The following SLC4A10 variants were observed in gnomAD, a reference collection of about 807,000 sequenced individuals.
SLC4A10 encodes the protein sodium-driven chloride bicarbonate exchanger.
SLC4A10 carries 42 observed loss-of-function variants against 137.7 expected under a neutral mutation model. The observed-to-expected ratio is 0.30, with a 90% confidence interval of 0.24 to 0.39. The LOEUF (loss-of-function observed/expected upper bound fraction) is 0.39, where lower values mean the gene tolerates loss of function less well. Ranked by LOEUF, SLC4A10 falls within the 10% of genes least tolerant of loss-of-function variation. The pLI, the probability that SLC4A10 is intolerant of heterozygous loss-of-function variation, is 1.00. For missense variants in SLC4A10, 925 were observed against 1,355.0 expected, an observed-to-expected ratio of 0.68 and a Z score of 4.98; for synonymous variants, 474 against 464.1, an observed-to-expected ratio of 1.02 and a Z score of -0.27.
chr2:161,788,196 C>A (rs539173261), intron 2 of SLC4A10, among the ~76,000 whole-genome samples: 1 of 151,370 alleles, frequency 6.6e-6, no homozygotes, highest in South Asian at 2.1e-4. Context: ...TATGGATAGC[C>A]TTTGTGTGGT....
At position 161,646,281 on chromosome 2, in the gene SLC4A10, A is replaced by T. The variant is rs147799756; in HGVS notation, c.48+21715A>T. On this transcript the variant is annotated intron_variant, in intron 1 of 26. Coordinates refer to ENST00000446997, the MANE Select transcript of SLC4A10 (RefSeq NM_001178015.2). ...ATAACTTAGAGTGCCCTCTGTTTAG[A>T]TTCCTTGGTTTAATCCCATTAGAGA... Among the ~76,000 whole-genome samples the T allele has an allele frequency of 1.5e-3, 229 of 152,096 alleles. 1 individual carries two copies. Among genetic ancestry groups the T allele is most frequent in the African/African-American group, 4.5e-3 (185 of 41,546 alleles).
chr2:161,979,660 G>A (rs576135495), intron 26 of SLC4A10, among the ~76,000 whole-genome samples: 1 of 152,200 alleles, frequency 6.6e-6, no homozygotes, highest in South Asian at 2.1e-4. Flanking sequence ...CCTTTTTGTG[G>A]TATCTGTTAA....
At chr2:161,786,201 A>G (rs891571494) in intron 2 of SLC4A10, among the ~76,000 whole-genome samples, 3 of 151,522 alleles carry the variant, frequency 2.0e-5, no homozygotes, top group Non-Finnish European at 3.0e-5. Flanking sequence ...TTTAACTATT[A>G]TTGGTATAAA....
At chr2:161,851,298 C>T (rs1461230759) in intron 4 of SLC4A10, among the ~76,000 whole-genome samples, 8 of 152,112 alleles carry the variant, frequency 5.3e-5, no homozygotes, top group Non-Finnish European at 1.2e-4. Flanking sequence ...CTGTCCAATG[C>T]CATCAGTAGG....
chr2:161,960,529 G>C (rs540044280), intron 21 of SLC4A10, among the ~76,000 whole-genome samples: 4 of 151,750 alleles, frequency 2.6e-5, no homozygotes, highest in African/African-American at 9.7e-5. Flanking sequence ...AGACCAGCCT[G>C]ACCAATATGG....
At chr2:161,974,226 A>G (rs1575949936) in intron 23 of SLC4A10, 23 bp from the exon 24 acceptor site, 5 of 1,579,100 alleles carry the variant, frequency 3.2e-6, no homozygotes, top group East Asian at 2.3e-5. Context: ...TTCACTTTAT[A>G]TACTTTACAT....
At chr2:161,876,595 G>A (rs1375977836) in intron 8 of SLC4A10, among the ~76,000 whole-genome samples, 1 of 152,074 alleles carries the variant, frequency 6.6e-6, no homozygotes, top group African/African-American at 2.4e-5. Flanking sequence ...GAAGGATCAG[G>A]ATGGCTTGAG....
intron 3 of SLC4A10, among the ~76,000 whole-genome samples, chr2:161,819,767 T>C (rs2057456256): frequency 6.6e-6 from 1 of 152,218 alleles, no homozygotes; most frequent in Non-Finnish European, 1.5e-5. Context: ...GTGCTGGGAT[T>C]ACAGGAATGA....
At chr2:161,741,458 T>C (rs2047888584) in intron 1 of SLC4A10, among the ~76,000 whole-genome samples, 1 of 152,162 alleles carries the variant, frequency 6.6e-6, no homozygotes, top group Non-Finnish European at 1.5e-5. Context: ...TGCAAGTTTG[T>C]TCCATTTGAC....
chr2:161,804,609 T>A lies in SLC4A10; in HGVS notation c.277+14T>A, dbSNP rs755420447. The A allele has an allele frequency of 6.3e-7, 1 of 1,594,296 alleles. No homozygotes were observed. Among genetic ancestry groups the A allele is most frequent in the South Asian group, 1.1e-5 (1 of 88,298 alleles). On this transcript the variant is annotated intron_variant, in intron 3 of 26. Transcript: ENST00000446997. The stretch of plus-strand genomic sequence containing the variant: ...CACCTTCTTTTGGTAAGAATCCTTC[T>A]CCTTGTTTTTATTAAGTTAATTATT...
intron 15 of SLC4A10, among the ~76,000 whole-genome samples, chr2:161,920,638 C>A (rs1414071862): frequency 1.3e-5 from 2 of 152,146 alleles, no homozygotes; most frequent in African/African-American, 2.4e-5. Context: ...TTGGGAAATT[C>A]AAGTCCTGTG....
chr2:161,873,428 G>A (rs2061257440), intron 7 of SLC4A10, among the ~76,000 whole-genome samples: 1 of 151,364 alleles, frequency 6.6e-6, no homozygotes, highest in Admixed American at 6.6e-5. Context: ...CCACTTGGGA[G>A]GCTGAGGTGG....
chr2:161,757,468 T>C (rs1235461595), intron 1 of SLC4A10, among the ~76,000 whole-genome samples: 1 of 152,164 alleles, frequency 6.6e-6, no homozygotes, highest in African/African-American at 2.4e-5. Flanking sequence ...AACACTAATA[T>C]AGAACTCCCA....
intron 1 of SLC4A10, among the ~76,000 whole-genome samples, chr2:161,695,324 T>C (rs1312746300): frequency 1.3e-5 from 2 of 152,122 alleles, no homozygotes; most frequent in Admixed American, 1.3e-4. Flanking sequence ...GATGTTTCAT[T>C]CATACCACTT....
intron 7 of SLC4A10, among the ~76,000 whole-genome samples, chr2:161,873,048 T>G (rs2061237599): frequency 6.6e-6 from 1 of 152,276 alleles, no homozygotes; most frequent in Admixed American, 6.5e-5. Flanking sequence ...TTTGGCTAGT[T>G]TGTGTTCAAA....
chr2:161,688,034 A>G lies in SLC4A10; in HGVS notation c.48+63468A>G, dbSNP rs1054762127. On this transcript the variant is annotated intron_variant, in intron 1 of 26. Coordinates refer to ENST00000446997, the MANE Select transcript of SLC4A10 (RefSeq NM_001178015.2). ...CAGGCAATGTTCTGCTTTCTACCAA[A>G]GTAATTATTTTTTATTGCTCATACA... 2.3e-4 allele frequency among the ~76,000 whole-genome samples: 35 copies of G among 152,336 alleles called. 1 individual carries two copies. The highest frequency in any genetic ancestry group is 7.9e-4 in the African/African-American group (33 of 41,576).
chr2:161,941,898 A>G (rs1443456094), intron 15 of SLC4A10, among the ~76,000 whole-genome samples: 2 of 152,116 alleles, frequency 1.3e-5, no homozygotes, highest in African/African-American at 2.4e-5. Flanking sequence ...GAATCCTCCA[A>G]TTTCCCTAGT....
chr2:161,802,038 C>T (rs552631714), intron 2 of SLC4A10, among the ~76,000 whole-genome samples: 190 of 152,002 alleles, frequency 1.2e-3, no homozygotes, highest in Admixed American at 3.0e-3. Flanking sequence ...CCTTTATTTC[C>T]TTTTTCCAAA....
chr2:161,924,905 A>G (rs1186994175), intron 15 of SLC4A10, among the ~76,000 whole-genome samples: 2 of 152,158 alleles, frequency 1.3e-5, no homozygotes, highest in Non-Finnish European at 2.9e-5. Flanking sequence ...TCAGGTTTCG[A>G]TGGGGTTATA....
Sources: allele counts gnomAD v4.1 joint callset (sites outside exome capture counted in the v4.1 genomes callset), GRCh38; gene constraint gnomAD v4.1.1; transcripts MANE v1.5; gene names NCBI Gene and HGNC (gene_info 2026-07-23, HGNC 2026-07-21).